JMJD1C: variants seen among roughly 807,000 people sequenced by gnomAD.
JMJD1C encodes the protein jumonji domain containing 1C.
In JMJD1C, 31 loss-of-function variants were observed where a neutral mutation model predicts 245.3. The ratio of observed to expected loss-of-function variants is 0.13; its 90% CI spans 0.09 to 0.17. The LOEUF is 0.17. Among genes scored for constraint, JMJD1C ranks in the 10% least tolerant of loss-of-function variants. The pLI, the probability that JMJD1C is intolerant of heterozygous loss-of-function variation, is 1.00. For synonymous variants in JMJD1C, 1,057 were observed against 1,017.4 expected, an observed-to-expected ratio of 1.04 and a Z score of -0.74; for missense variants, 2,691 against 3,000.2, an observed-to-expected ratio of 0.90 and a Z score of 2.41.
intron 2 of JMJD1C, among the ~76,000 whole-genome samples, chr10:63,327,086 C>A (rs942666711): frequency 4.6e-5 from 7 of 152,222 alleles, no homozygotes; most frequent in South Asian, 4.1e-4. Flanking sequence ...ACCGAGGAGG[C>A]TGAGGTAGGA....
intron 2 of JMJD1C, among the ~76,000 whole-genome samples, chr10:63,356,776 A>G (rs1944880425): frequency 6.6e-6 from 1 of 152,232 alleles, no homozygotes; most frequent in African/African-American, 2.4e-5. Flanking sequence ...ACAATCTGTT[A>G]GCTAAGGATA....
intron 2 of JMJD1C, among the ~76,000 whole-genome samples, chr10:63,329,077 T>C (rs1226547771): frequency 1.3e-5 from 2 of 151,406 alleles, no homozygotes; most frequent in Non-Finnish European, 1.5e-5. Flanking sequence ...AGCCCAGGAG[T>C]TCAAGACCAG....
intron 1 of JMJD1C, among the ~76,000 whole-genome samples, chr10:63,479,036 C>A (rs749335244): frequency 6.6e-6 from 1 of 152,150 alleles, no homozygotes; most frequent in Non-Finnish European, 1.5e-5. Context: ...TTGTTCTATT[C>A]CCTAGCAGGT....
Position 63,331,732 on chromosome 10 carries a change from C to A in JMJD1C, c.333+48586G>T, listed in dbSNP as rs563012222. 2.0e-5 allele frequency among the ~76,000 whole-genome samples: 3 copies of A among 152,328 alleles called. No homozygotes were observed. The South Asian group carries it at 6.2e-4, about 32-fold the overall frequency. ...GGTTCAAGTGATTCTCATGCCTCAGCCTCCCAAGAAGCTGGGACCACACCA... is the reference window on the plus strand; with the variant it reads ...GGTTCAAGTGATTCTCATGCCTCAGACTCCCAAGAAGCTGGGACCACACCA... On this transcript the variant is annotated intron_variant, in intron 2 of 25. Coordinates refer to ENST00000399262, the MANE Select transcript of JMJD1C (RefSeq NM_032776.3).
At chr10:63,322,599 G>C (rs940466023) in intron 2 of JMJD1C, among the ~76,000 whole-genome samples, 1 of 151,998 alleles carries the variant, frequency 6.6e-6, no homozygotes, top group Non-Finnish European at 1.5e-5. Flanking sequence ...AGAATCACAA[G>C]GTCTGGAGTT....
chr10:63,194,054 C>T (rs1483631084), intron 14 of JMJD1C, among the ~76,000 whole-genome samples: 1 of 152,184 alleles, frequency 6.6e-6, no homozygotes, highest in African/African-American at 2.4e-5. Flanking sequence ...ATCCAATAGG[C>T]CTTTTCATTA....
chr10:63,384,051 C>T (rs1282338767), intron 1 of JMJD1C, among the ~76,000 whole-genome samples: 2 of 152,172 alleles, frequency 1.3e-5, no homozygotes, highest in Non-Finnish European at 2.9e-5. Context: ...TTATCACCAA[C>T]GGTTAAGTAG....
chr10:63,429,349 GAA>G (rs573781970), intron 1 of JMJD1C, among the ~76,000 whole-genome samples: 5 of 147,008 alleles, frequency 3.4e-5, no homozygotes, highest in African/African-American at 1.3e-4. Context: ...AACGGAAGAA[GAA>G]AAAAAAAAGA....
intron 3 of JMJD1C, among the ~76,000 whole-genome samples, chr10:63,223,823 G>A (rs952036346): frequency 2.6e-5 from 4 of 151,842 alleles, no homozygotes; most frequent in Admixed American, 1.3e-4. Context: ...GTGCAATCTC[G>A]GTTCACTGCA....
At chr10:63,390,482 G>A (rs1395257056) in intron 1 of JMJD1C, among the ~76,000 whole-genome samples, 1 of 152,092 alleles carries the variant, frequency 6.6e-6, no homozygotes, top group Non-Finnish European at 1.5e-5. Flanking sequence ...CCTCAAACTA[G>A]TCCAAAAAAC....
intron 1 of JMJD1C, among the ~76,000 whole-genome samples, chr10:63,461,445 A>C (rs1370098832): frequency 6.6e-6 from 1 of 152,198 alleles, no homozygotes; most frequent in Non-Finnish European, 1.5e-5. Flanking sequence ...CTAAATAAGA[A>C]ACTTAAATGA....
At position 63,193,675 on chromosome 10, in the gene JMJD1C, G is replaced by GT. The variant is rs907604903; in HGVS notation, c.5735-204dup. ...AAATTTATGTTTTTTTTGTTTTTTT[G>GT]TTTTTTTTTGAGACGGAGTCTTGCT... On this transcript the variant is annotated intron_variant, in intron 14 of 25. Transcript: ENST00000399262. 4.4e-3 allele frequency: 1,678 copies of GT among 378,796 alleles called. 1 individual carries two copies. The highest frequency in any genetic ancestry group is 6.8e-3 in the South Asian group (157 of 23,022). 23.5% of individuals were successfully genotyped at this position (378,796 alleles called of 1,614,324 possible).
chr10:63,211,823 CAAAAAA>C (rs59121081), intron 8 of JMJD1C, among the ~76,000 whole-genome samples: 877 of 77,714 alleles, frequency 0.011, 4 homozygotes, highest in Middle Eastern at 0.032. Context: ...GACTCTGTCT[CAAAAAA>C]AAAAAAAAAA....
Position 63,200,783 on chromosome 10 carries a change from CTT to C in JMJD1C, c.5075-108_5075-107del, listed in dbSNP as rs1276308597. ...ATACAATTGTGATGATACGGTAAGA[CTT>C]TAGTAAAGAAGCAAAGACATTAAGA... On this transcript the variant is annotated intron_variant, in intron 10 of 25. Coordinates refer to ENST00000399262, the MANE Select transcript of JMJD1C (RefSeq NM_032776.3). The C allele has an allele frequency of 1.3e-5, 12 of 925,672 alleles. No individual in the cohort carries two copies. The Admixed American group carries it at 1.4e-4, about 11-fold the overall frequency. The allele number at this position is 925,672 out of a possible 1,614,324, so 57.3% of individuals were successfully genotyped here.
At chr10:63,447,075 G>A (rs200524373) in intron 1 of JMJD1C, among the ~76,000 whole-genome samples, 7 of 145,436 alleles carry the variant, frequency 4.8e-5, no homozygotes, top group African/African-American at 7.5e-5. Flanking sequence ...TTATAACCAG[G>A]AAAAAAAAAA....
chr10:63,392,058 G>A (rs1948098220), intron 1 of JMJD1C, among the ~76,000 whole-genome samples: 1 of 152,116 alleles, frequency 6.6e-6, no homozygotes, highest in Non-Finnish European at 1.5e-5. Flanking sequence ...TTACAATTTT[G>A]CAAACACCGT....
intron 2 of JMJD1C, among the ~76,000 whole-genome samples, chr10:63,322,653 A>G (rs1941015389): frequency 6.6e-6 from 1 of 151,830 alleles, no homozygotes; most frequent in Non-Finnish European, 1.5e-5. Context: ...TCTCTACTAA[A>G]AATACAAAAA....
chr10:63,241,656 C>T (rs1851497913), intron 3 of JMJD1C, among the ~76,000 whole-genome samples: 1 of 152,098 alleles, frequency 6.6e-6, no homozygotes, highest in African/African-American at 2.4e-5. Context: ...TGCTTTAGGG[C>T]CTATCCATTT....
intron 1 of JMJD1C, among the ~76,000 whole-genome samples, chr10:63,417,994 A>C (rs1333152418): frequency 1.3e-5 from 2 of 152,226 alleles, no homozygotes; most frequent in Non-Finnish European, 2.9e-5. Flanking sequence ...AAGAAAGATC[A>C]ACATTGAGAC....
Sources: gnomAD v4.1 joint callset for allele counts (sites outside exome capture counted in the v4.1 genomes callset) on GRCh38, gnomAD v4.1.1 for gene constraint, MANE v1.5 for transcripts, NCBI Gene and HGNC (gene_info 2026-07-23, HGNC 2026-07-21) for gene names.